XKR4: variants seen among roughly 807,000 people sequenced by gnomAD.
XKR4 encodes the protein XK-related protein 4.
Under a neutral mutation model 53.9 loss-of-function variants are expected in XKR4, and 12 were observed. That is an observed-to-expected ratio of 0.22 (90% CI 0.14 to 0.36). The LOEUF is 0.36. XKR4 is among the 10% of genes least tolerant of loss of function. The pLI, the probability that XKR4 is intolerant of heterozygous loss-of-function variation, is 1.00. For synonymous variants in XKR4, 354 were observed against 362.4 expected (o/e 0.98, Z 0.26); for missense variants, 799 against 859.5 (o/e 0.93, Z 0.88).
chr8:55,314,770 G>C (rs911938471), intron 1 of XKR4, among the ~76,000 whole-genome samples: 2 of 152,152 alleles, frequency 1.3e-5, no homozygotes, highest in African/African-American at 4.8e-5. Flanking sequence ...CCTAACTCTT[G>C]TGAGAGTCAT....
rs1054619886 is a variant in XKR4 at position 55,538,991 on chromosome 8, T to A, written c.*14764T>A. 1 of 152,210 alleles carries A rather than the reference T, an allele frequency of 6.6e-6. No homozygotes were observed. Among genetic ancestry groups the A allele is most frequent in the Non-Finnish European group, 1.5e-5 (1 of 68,046 alleles). 9.4% of individuals were successfully genotyped at this position (152,210 alleles called of 1,614,324 possible). ...ACAGGGCTTCAGCTATATACTGATA[T>A]ACATATGCTTACATGTGCTTAGGTG... On this transcript the variant is annotated 3_prime_UTR_variant, in exon 3 of 3. Coordinates refer to ENST00000327381, the MANE Select transcript of XKR4 (RefSeq NM_052898.2).
At chr8:55,104,308 C>CT (rs2129350274) in intron 1 of XKR4, among the ~76,000 whole-genome samples, 1 of 152,224 alleles carries the variant, frequency 6.6e-6, no homozygotes, top group Non-Finnish European at 1.5e-5. Flanking sequence ...TCTATAGATT[C>CT]TAACATGTCA....
chr8:55,271,322 G>A (rs1242702391), intron 1 of XKR4, among the ~76,000 whole-genome samples: 2 of 152,188 alleles, frequency 1.3e-5, no homozygotes, highest in South Asian at 4.1e-4. Flanking sequence ...AAGGCAGAAA[G>A]CAGAGTGGCT....
intron 2 of XKR4, among the ~76,000 whole-genome samples, chr8:55,420,647 AG>A (rs1344253853): frequency 5.2e-5 from 2 of 38,588 alleles, no homozygotes; most frequent in East Asian, 1.0e-3. Context: ...GGGTGGGGGG[AG>A]GGGGGAGGGA....
At chr8:55,410,004 C>T (rs1361968668) in intron 2 of XKR4, among the ~76,000 whole-genome samples, 1 of 151,962 alleles carries the variant, frequency 6.6e-6, no homozygotes, top group African/African-American at 2.4e-5. Context: ...ATTGTGAGAA[C>T]AGTCTGACTG....
intron 1 of XKR4, among the ~76,000 whole-genome samples, chr8:55,354,002 G>A (rs1803763393): frequency 6.6e-6 from 1 of 152,132 alleles, no homozygotes; most frequent in South Asian, 2.1e-4. Context: ...TCATTCTTTA[G>A]TCTACCAAAA....
intron 2 of XKR4, among the ~76,000 whole-genome samples, chr8:55,491,188 T>C (rs1463350241): frequency 1.3e-5 from 2 of 152,246 alleles, no homozygotes; most frequent in Non-Finnish European, 2.9e-5. Flanking sequence ...CTCTATTTTA[T>C]ATCTTTTCTT....
At chr8:55,390,465 A>C (rs1340442328) in intron 2 of XKR4, among the ~76,000 whole-genome samples, 2 of 152,204 alleles carry the variant, frequency 1.3e-5, no homozygotes. Context: ...CATAGTTTAC[A>C]TCAATTGATT....
At chr8:55,354,189 A>C (rs1253457469) in intron 1 of XKR4, among the ~76,000 whole-genome samples, 1 of 152,200 alleles carries the variant, frequency 6.6e-6, no homozygotes, top group Non-Finnish European at 1.5e-5. Context: ...TGAGAACCAG[A>C]TACTCCCTGA....
intron 1 of XKR4, among the ~76,000 whole-genome samples, chr8:55,148,155 GA>G (rs1816794986): frequency 6.6e-6 from 1 of 152,224 alleles, no homozygotes; most frequent in Admixed American, 6.5e-5. Context: ...TTTTAAGATG[GA>G]AACATTTCAC....
intron 1 of XKR4, among the ~76,000 whole-genome samples, chr8:55,104,564 C>A (rs1563457232): frequency 6.6e-6 from 1 of 152,154 alleles, no homozygotes; most frequent in Admixed American, 6.5e-5. Context: ...GATGAACAAC[C>A]ATATGTTCAC....
intron 2 of XKR4, among the ~76,000 whole-genome samples, chr8:55,446,582 C>G (rs367623466): frequency 2.0e-5 from 3 of 152,252 alleles, no homozygotes; most frequent in South Asian, 4.1e-4. Flanking sequence ...CTCCTGAGCT[C>G]AGGAGATCTG....
intron 1 of XKR4, among the ~76,000 whole-genome samples, chr8:55,235,771 C>G (rs1177298595): frequency 6.6e-6 from 1 of 152,152 alleles, no homozygotes; most frequent in East Asian, 1.9e-4. Context: ...AGTGCCCAGC[C>G]TGATCCTGGG....
intron 1 of XKR4, among the ~76,000 whole-genome samples, chr8:55,269,135 A>G (rs1818652528): frequency 6.6e-6 from 1 of 152,226 alleles, no homozygotes. Context: ...GTAAAATAAG[A>G]GTAAATTATC....
At chr8:55,104,660 C>T (rs1479116454) in intron 1 of XKR4, among the ~76,000 whole-genome samples, 7 of 152,170 alleles carry the variant, frequency 4.6e-5, no homozygotes, top group African/African-American at 9.6e-5. Context: ...TAGATGGTGA[C>T]CTTCCAGATT....
Position 55,272,826 on chromosome 8 carries a change from C to T in XKR4, c.807-84852C>T, listed in dbSNP as rs1436076988. The T allele has an allele frequency of 2.2e-5, 9 of 417,950 alleles. No individual in the cohort carries two copies. The East Asian group carries it at 5.7e-4, about 26-fold the overall frequency. 25.9% of individuals were successfully genotyped at this position (417,950 alleles called of 1,614,324 possible). A position where few individuals can be genotyped will look rare whatever the true frequency, so the allele number is the denominator to read the frequency against. ...TATTCTGTCCTTTAAAGAAGAATTC[C>T]AAGAATTATGTTTTAGAGTAAATTT... On this transcript the variant is annotated intron_variant, in intron 1 of 2. Transcript: ENST00000327381.
intron 2 of XKR4, among the ~76,000 whole-genome samples, chr8:55,380,267 C>A (rs774063294): frequency 9.9e-5 from 15 of 152,192 alleles, no homozygotes; most frequent in Non-Finnish European, 1.8e-4. Context: ...TGTGCTGTGG[C>A]ATCCTGGGAA....
At chr8:55,249,272 A>G (rs1235647074) in intron 1 of XKR4, among the ~76,000 whole-genome samples, 2 of 152,208 alleles carry the variant, frequency 1.3e-5, no homozygotes, top group Non-Finnish European at 2.9e-5. Flanking sequence ...AGACAAAGCA[A>G]TGACTCTCTC....
intron 1 of XKR4, among the ~76,000 whole-genome samples, chr8:55,316,645 C>T (rs1819480559): frequency 6.6e-6 from 1 of 152,162 alleles, no homozygotes; most frequent in Non-Finnish European, 1.5e-5. Context: ...CCCTTTTCCT[C>T]TGCCCCTTCC....
Sources: allele counts gnomAD v4.1 joint callset (sites outside exome capture counted in the v4.1 genomes callset), GRCh38; gene constraint gnomAD v4.1.1; transcripts MANE v1.5; gene names NCBI Gene and HGNC (gene_info 2026-07-23, HGNC 2026-07-21).